SPECC1: variants seen among roughly 807,000 people sequenced by gnomAD.
SPECC1 encodes sperm antigen with calponin homology and coiled-coil domains 1.
A neutral mutation model predicts 104.1 loss-of-function variants in SPECC1; 62 were observed. The ratio of observed to expected loss-of-function variants is 0.60; its 90% CI spans 0.49 to 0.74. The LOEUF (loss-of-function observed/expected upper bound fraction) is 0.74. Ranked by LOEUF, SPECC1 falls within the 30% of genes least tolerant of loss-of-function variation. SPECC1 has a pLI of 0.00. For missense variants in SPECC1, 1,306 were observed against 1,310.5 expected (o/e 1.00, Z 0.05); for synonymous variants, 513 against 501.6 (o/e 1.02, Z -0.30).
At chr17:20,250,244 CAAAAG>C (rs1445886638) in intron 9 of SPECC1, among the ~76,000 whole-genome samples, 1 of 152,242 alleles carries the variant, frequency 6.6e-6, no homozygotes, top group Non-Finnish European at 1.5e-5. Flanking sequence ...AAGGTGAACA[CAAAAG>C]AAAGATGCTT....
intron 4 of SPECC1, among the ~76,000 whole-genome samples, chr17:20,223,391 C>T (rs1177966259): frequency 1.3e-5 from 2 of 152,070 alleles, no homozygotes; most frequent in Non-Finnish European, 2.9e-5. Flanking sequence ...TTATTTCAAT[C>T]TCGGCCGGGT....
chr17:20,124,637 C>G (rs1051718274), intron 3 of SPECC1, among the ~76,000 whole-genome samples: 2 of 152,188 alleles, frequency 1.3e-5, no homozygotes, highest in Non-Finnish European at 2.9e-5. Flanking sequence ...CCACTTACTT[C>G]ATCGGTTACT....
intron 12 of SPECC1, among the ~76,000 whole-genome samples, chr17:20,268,879 CAGT>C (rs1430753499): frequency 1.3e-5 from 2 of 152,210 alleles, no homozygotes; most frequent in Non-Finnish European, 2.9e-5. Context: ...CTCCCACTCT[CAGT>C]GGTGTGTGCA....
At chr17:20,046,073 C>T (rs2045528869) in intron 1 of SPECC1, among the ~76,000 whole-genome samples, 1 of 149,688 alleles carries the variant, frequency 6.7e-6, no homozygotes, top group African/African-American at 2.4e-5. Context: ...CCTTAATCTC[C>T]AGTTTTTGTG....
chr17:20,299,287 C>G (rs981930532), intron 13 of SPECC1, among the ~76,000 whole-genome samples: 13 of 151,908 alleles, frequency 8.6e-5, no homozygotes, highest in African/African-American at 3.1e-4. Flanking sequence ...TGTGTGGGGG[C>G]TCATACTTGT....
chr17:20,044,710 C>A (rs941245386), intron 1 of SPECC1, among the ~76,000 whole-genome samples: 28 of 152,016 alleles, frequency 1.8e-4, no homozygotes, highest in Admixed American at 1.3e-4. Flanking sequence ...AATAAGGGTT[C>A]CAAATGAAAG....
intron 12 of SPECC1, among the ~76,000 whole-genome samples, chr17:20,283,796 C>T (rs1190442938): frequency 2.0e-5 from 3 of 152,062 alleles, no homozygotes; most frequent in Non-Finnish European, 4.4e-5. Flanking sequence ...GCCATGTTTC[C>T]CAGACTGTTC....
Position 20,098,594 on chromosome 17 carries a change from C to G in SPECC1, c.147+1796C>G, listed in dbSNP as rs536146380. On this transcript the variant is annotated intron_variant, in intron 2 of 14. Transcript: ENST00000395527. The stretch of plus-strand genomic sequence containing the variant: ...GTCTCGCTCCTCTGTGCCCTGGCTC[C>G]TGGAGCTCCAGCCACACGTTCTGCT... Among the ~76,000 whole-genome samples the G allele has an allele frequency of 2.6e-5, 4 of 152,356 alleles. No homozygotes were observed. In the East Asian group the frequency reaches 7.7e-4, roughly 29 times the overall value.
At chr17:20,166,681 T>A (rs1361008026) in intron 3 of SPECC1, among the ~76,000 whole-genome samples, 1 of 152,174 alleles carries the variant, frequency 6.6e-6, no homozygotes, top group Non-Finnish European at 1.5e-5. Flanking sequence ...GAGGGAGTTT[T>A]TAAAAACGGC....
At chr17:20,235,937 ATGTG>A (rs2038885533) in intron 7 of SPECC1, among the ~76,000 whole-genome samples, 1 of 152,144 alleles carries the variant, frequency 6.6e-6, no homozygotes, top group Non-Finnish European at 1.5e-5. Flanking sequence ...GCTTAACTCC[ATGTG>A]TGCACATCCG....
chr17:20,030,400 G>A (rs960179180), intron 1 of SPECC1, among the ~76,000 whole-genome samples: 5 of 151,320 alleles, frequency 3.3e-5, no homozygotes, highest in Non-Finnish European at 7.4e-5. Context: ...TATTATTGTT[G>A]TAATTATTAT....
chr17:20,258,999 A>T (rs955564590), intron 11 of SPECC1, among the ~76,000 whole-genome samples: 1 of 152,268 alleles, frequency 6.6e-6, no homozygotes, highest in African/African-American at 2.4e-5. Flanking sequence ...CACACATAGC[A>T]TTTCACTTAG....
intron 7 of SPECC1, among the ~76,000 whole-genome samples, chr17:20,233,131 A>T (rs2038703797): frequency 6.6e-6 from 1 of 152,252 alleles, no homozygotes; most frequent in Non-Finnish European, 1.5e-5. Context: ...AGCTAATATT[A>T]TATTTACCCA....
intron 12 of SPECC1, among the ~76,000 whole-genome samples, chr17:20,292,334 C>CTT (rs113080519): frequency 6.6e-6 from 1 of 150,856 alleles, no homozygotes. Context: ...GTTTTTTCAT[C>CTT]TTTTTTTTTG....
At chr17:20,288,556 T>C (rs1234210387) in intron 12 of SPECC1, among the ~76,000 whole-genome samples, 1 of 152,182 alleles carries the variant, frequency 6.6e-6, no homozygotes, top group Non-Finnish European at 1.5e-5. Context: ...CCAGCCAGAA[T>C]GGCGATTATT....
intron 13 of SPECC1, among the ~76,000 whole-genome samples, chr17:20,297,664 A>G (rs1161219169): frequency 1.3e-5 from 2 of 152,224 alleles, no homozygotes; most frequent in Non-Finnish European, 2.9e-5. Flanking sequence ...CACTTTGTAA[A>G]TGAATGTGCA....
chr17:20,020,861 C>T (rs1007544678), intron 1 of SPECC1, among the ~76,000 whole-genome samples: 4 of 152,100 alleles, frequency 2.6e-5, no homozygotes, highest in East Asian at 1.9e-4. Context: ...ACAGTTGACC[C>T]GTGAACAATG....
intron 1 of SPECC1, among the ~76,000 whole-genome samples, chr17:20,025,688 A>G (rs1257983604): frequency 6.6e-6 from 1 of 152,074 alleles, no homozygotes; most frequent in Non-Finnish European, 1.5e-5. Flanking sequence ...ACAAGTTTTT[A>G]TGTGGATATA....
At position 20,205,418 on chromosome 17, in the gene SPECC1, A is replaced by G. The variant is rs754925011; in HGVS notation, c.1369A>G (p.Thr457Ala). Reference sequence around the variant, plus strand: ...AGAGCGAGTAAAGAATGAAGAGCCCACCACTCAGGAAGGAAAAATTATTGA... The same window carrying G: ...AGAGCGAGTAAAGAATGAAGAGCCCGCCACTCAGGAAGGAAAAATTATTGA... ...LQERVKNEEP[T>A]TQEGKIIELE... Residue 457 changes from threonine to alanine, a missense_variant, in exon 4 of 15, where the codon ACC becomes GCC. Physicochemically the swap from Thr to Ala is moderately conservative, Grantham distance 58 (BLOSUM62 0). Transcript: ENST00000395527. The G allele has an allele frequency of 5.0e-6, 8 of 1,614,020 alleles. No individual in the cohort carries two copies. The East Asian group carries it at 6.7e-5, about 13-fold the overall frequency.
Sources: gnomAD v4.1 joint callset for allele counts (sites outside exome capture counted in the v4.1 genomes callset) on GRCh38, gnomAD v4.1.1 for gene constraint, MANE v1.5 for transcripts, NCBI Gene and HGNC (gene_info 2026-07-23, HGNC 2026-07-21) for gene names.